Variants in TRPM3 observed in about 807,000 individuals in gnomAD.
TRPM3 encodes the protein transient receptor potential cation channel subfamily M member 3.
A neutral mutation model predicts 181.2 loss-of-function variants in TRPM3; 77 were observed. That is an observed-to-expected ratio of 0.42 (90% confidence interval 0.35 to 0.51). TRPM3 has a LOEUF of 0.51. Ranked by LOEUF, TRPM3 falls within the 20% of genes least tolerant of loss-of-function variation. The probability of loss-of-function intolerance (pLI) is 0.01; values close to 1 mark genes in which losing one functional copy is unlikely to be tolerated. For missense variants in TRPM3, 1,759 were observed against 2,196.7 expected (o/e 0.80, Z 3.98); for synonymous variants, 745 against 796.4 (o/e 0.94, Z 1.09).
intron 1 of TRPM3, among the ~76,000 whole-genome samples, chr9:71,339,545 G>A (rs1183526986): frequency 6.6e-6 from 1 of 152,010 alleles, no homozygotes; most frequent in African/African-American, 2.4e-5. Context: ...ATATGATAAA[G>A]GCGGCCTCTT....
At chr9:70,842,169 C>T (rs776619684) in intron 5 of TRPM3, among the ~76,000 whole-genome samples, 9 of 151,910 alleles carry the variant, frequency 5.9e-5, no homozygotes, top group Non-Finnish European at 1.3e-4. Context: ...AAGTGTCTGC[C>T]ACTCAAATGC....
At chr9:71,144,368 C>G (rs1280682630) in intron 1 of TRPM3, among the ~76,000 whole-genome samples, 1 of 152,164 alleles carries the variant, frequency 6.6e-6, no homozygotes, top group Non-Finnish European at 1.5e-5. Flanking sequence ...CATGGACAAC[C>G]TGATCTATCT....
At chr9:70,745,932 C>A (rs2134954209) in intron 8 of TRPM3, among the ~76,000 whole-genome samples, 1 of 152,260 alleles carries the variant, frequency 6.6e-6, no homozygotes, top group East Asian at 1.9e-4. Flanking sequence ...GAACAAGAAA[C>A]ATCTGTGTTT....
intron 8 of TRPM3, among the ~76,000 whole-genome samples, chr9:70,750,715 C>T (rs1294541654): frequency 3.3e-5 from 5 of 152,086 alleles, no homozygotes; most frequent in African/African-American, 9.7e-5. Context: ...GCTTTCAAGA[C>T]TGAGAAAATG....
chr9:71,043,622 C>A (rs1257931986), intron 1 of TRPM3, among the ~76,000 whole-genome samples: 1 of 152,196 alleles, frequency 6.6e-6, no homozygotes, highest in African/African-American at 2.4e-5. Flanking sequence ...CTATTACAAC[C>A]ACCCATCATT....
chr9:70,615,406 A>G (rs2062636297), intron 18 of TRPM3, among the ~76,000 whole-genome samples: 1 of 152,220 alleles, frequency 6.6e-6, no homozygotes, highest in Admixed American at 6.5e-5. Flanking sequence ...ATGCTCTATA[A>G]TTATATGAGG....
intron 1 of TRPM3, among the ~76,000 whole-genome samples, chr9:71,062,170 T>C (rs1201036717): frequency 6.6e-6 from 1 of 152,098 alleles, no homozygotes; most frequent in African/African-American, 2.4e-5. Context: ...AAGTATTAAA[T>C]AACCACCTGC....
intron 1 of TRPM3, among the ~76,000 whole-genome samples, chr9:71,053,509 C>T (rs2060300104): frequency 1.3e-5 from 2 of 152,054 alleles, no homozygotes; most frequent in Admixed American, 1.3e-4. Context: ...GAGTGTCAAC[C>T]CGCTCAATGT....
chr9:71,387,867 C>G (rs1470405668), intron 1 of TRPM3, among the ~76,000 whole-genome samples: 1 of 152,168 alleles, frequency 6.6e-6, no homozygotes, highest in Admixed American at 6.5e-5. Context: ...CGGGCACACA[C>G]AGATGCATAC....
chr9:71,115,970 G>T (rs2072277816), intron 1 of TRPM3, among the ~76,000 whole-genome samples: 1 of 152,102 alleles, frequency 6.6e-6, no homozygotes, highest in Non-Finnish European at 1.5e-5. Context: ...TTTTAGTTTG[G>T]TCCCATTTTC....
At chr9:71,040,133 A>C (rs2058663415) in intron 1 of TRPM3, among the ~76,000 whole-genome samples, 1 of 152,196 alleles carries the variant, frequency 6.6e-6, no homozygotes, top group Non-Finnish European at 1.5e-5. Context: ...TACTGGTTCC[A>C]AATCTGTTTT....
At chr9:70,820,015 C>T (rs1266947609) in intron 6 of TRPM3, among the ~76,000 whole-genome samples, 2 of 152,164 alleles carry the variant, frequency 1.3e-5, no homozygotes, top group Admixed American at 6.5e-5. Context: ...AATATAGTCT[C>T]GGTCAATTCA....
At chr9:71,120,521 T>G (rs1222662776) in intron 1 of TRPM3, among the ~76,000 whole-genome samples, 1 of 152,186 alleles carries the variant, frequency 6.6e-6, no homozygotes, top group Non-Finnish European at 1.5e-5. Context: ...CATTCTTTTG[T>G]GTGACTCACA....
chr9:70,536,976 A>T lies in TRPM3; in HGVS notation c.4137T>A (p.Ala1379=). ...CTTTTGCTACAGAGTGGGAACTAGT[A>T]GCCCGGTGTAGGCTCAGGGACCTTT... ...FKERSLSLHR[A]TSSHSVAKEP... is the part of the protein sequence containing the mutation. Residue 1379 remains alanine (A), a synonymous_variant, in exon 26 of 26, where the codon GCT becomes GCA. Transcript: ENST00000677713. The T allele has an allele frequency of 6.2e-7, 1 of 1,613,408 alleles. No individual in the cohort carries two copies. The highest frequency in any genetic ancestry group is 8.5e-7 in the Non-Finnish European group (1 of 1,179,392).
At chr9:70,896,429 T>C (rs1281257886) in intron 1 of TRPM3, among the ~76,000 whole-genome samples, 2 of 152,194 alleles carry the variant, frequency 1.3e-5, no homozygotes, top group South Asian at 4.1e-4. Flanking sequence ...AATTTTCTAC[T>C]TCAGCTGCAC....
At chr9:70,936,577 G>T (rs1054913388) in intron 1 of TRPM3, among the ~76,000 whole-genome samples, 53 of 152,312 alleles carry the variant, frequency 3.5e-4, no homozygotes, top group African/African-American at 1.2e-3. Flanking sequence ...ATTGATAATG[G>T]TTTGATCACT....
intron 18 of TRPM3, among the ~76,000 whole-genome samples, chr9:70,612,445 A>G (rs1303944736): frequency 6.6e-6 from 1 of 152,236 alleles, no homozygotes; most frequent in Non-Finnish European, 1.5e-5. Context: ...ACAATCCTAG[A>G]TAATTCTGGC....
chr9:70,763,084 G>A (rs2078442335), intron 7 of TRPM3, among the ~76,000 whole-genome samples: 1 of 152,134 alleles, frequency 6.6e-6, no homozygotes, highest in African/African-American at 2.4e-5. Context: ...ATATTATGAT[G>A]GCCCTGCTTT....
intron 6 of TRPM3, among the ~76,000 whole-genome samples, chr9:70,792,469 A>G (rs2085703106): frequency 6.6e-6 from 1 of 151,596 alleles, no homozygotes; most frequent in Admixed American, 6.6e-5. Context: ...GAGAGGGGAG[A>G]GAAAAGAGAA....
Sources: gnomAD v4.1 joint callset for allele counts (sites outside exome capture counted in the v4.1 genomes callset) on GRCh38, gnomAD v4.1.1 for gene constraint, MANE v1.5 for transcripts, NCBI Gene and HGNC (gene_info 2026-07-23, HGNC 2026-07-21) for gene names.